Variants in GLDC observed in about 807,000 individuals in gnomAD.
GLDC encodes the protein glycine dehydrogenase (decarboxylating), mitochondrial.
Under a neutral mutation model 121.3 loss-of-function variants are expected in GLDC, and 104 were observed. The observed-to-expected ratio is 0.86, with a 90% CI of 0.73 to 1.01. The LOEUF is 1.01. GLDC is among the 50% of genes least tolerant of loss of function. The pLI is 0.00. For missense variants in GLDC, 1,429 were observed against 1,306.6 expected (o/e 1.09, Z -1.44); for synonymous variants, 546 against 480.6 (o/e 1.14, Z -1.78).
In GLDC at chr9:6,534,741, C is replaced by T. The variant is rs1394323810; in HGVS notation, c.2886G>A (p.Arg962=). 3.7e-6 allele frequency: 6 copies of T among 1,607,452 alleles called. No individual in the cohort carries two copies. The highest frequency in any genetic ancestry group is 2.6e-6 in the Non-Finnish European group (3 of 1,174,016). Residue 962 remains arginine (R), a synonymous_variant, in exon 24 of 25, where the codon CGG becomes CGA. Coordinates refer to ENST00000321612, the MANE Select transcript of GLDC (RefSeq NM_000170.3). Reference sequence around the variant, plus strand: ...ATGCTGCCACCTCTCTGGAATAAGGCCGGTCCCAGTGGGAAGATGTAACGC... The same window carrying T: ...ATGCTGCCACCTCTCTGGAATAAGGTCGGTCCCAGTGGGAAGATGTAACGC... The part of the protein sequence containing the change: ...LTCVTSSHWD[R]PYSREVAAFP...
chr9:6,563,971 C>T (rs60256554), intron 16 of GLDC, among the ~76,000 whole-genome samples: 2,646 of 151,912 alleles, frequency 0.017, 69 homozygotes, highest in African/African-American at 0.06. Context: ...AAGGGCCAGG[C>T]GCAGTGGCTC....
At chr9:6,630,242 C>A (rs966058458) in intron 2 of GLDC, among the ~76,000 whole-genome samples, 2 of 151,840 alleles carry the variant, frequency 1.3e-5, no homozygotes, top group Admixed American at 1.3e-4. Flanking sequence ...GCACCCCAGC[C>A]TGGGTGACAA....
intron 8 of GLDC, among the ~76,000 whole-genome samples, chr9:6,598,921 C>T (rs1317274787): frequency 6.6e-6 from 1 of 152,188 alleles, no homozygotes; most frequent in Non-Finnish European, 1.5e-5. Flanking sequence ...TGGCTCATGC[C>T]TGTAATCCCA....
chr9:6,639,668 A>AAAAAT, intron 2 of GLDC: 4 of 248,644 alleles, frequency 1.6e-5, no homozygotes, highest in Admixed American at 6.6e-5. Context: ...ATAAAAAAAA[A>AAAAAT]GTATATATAT....
intron 22 of GLDC, among the ~76,000 whole-genome samples, chr9:6,538,839 G>A (rs1817193212): frequency 6.6e-6 from 1 of 152,222 alleles, no homozygotes; most frequent in African/African-American, 2.4e-5. Context: ...GCTGTCAGGG[G>A]AAAGGAGTTC....
At position 6,542,802 on chromosome 9, in the gene GLDC, T is replaced by G. The variant is rs1176716502; in HGVS notation, c.2570-2656A>C. Among the ~76,000 whole-genome samples the G allele has an allele frequency of 5.5e-5, 8 of 146,358 alleles. No homozygotes were observed. In the South Asian group the frequency reaches 1.1e-3, roughly 20 times the overall value. ...GTGTAAGGCTGAGGTGGGAGAATCATTTGAGCCCAGGAGGTCAAGGCTGCA... is the reference window on the plus strand; with the variant it reads ...GTGTAAGGCTGAGGTGGGAGAATCAGTTGAGCCCAGGAGGTCAAGGCTGCA... On this transcript the variant is annotated intron_variant, in intron 21 of 24. Coordinates refer to ENST00000321612, the MANE Select transcript of GLDC (RefSeq NM_000170.3).
At chr9:6,639,232 G>C (rs1220294499) in intron 2 of GLDC, 2 of 911,750 alleles carry the variant, frequency 2.2e-6, no homozygotes, top group Non-Finnish European at 3.6e-6. Context: ...GTGTTGAAAG[G>C]TGTCCACAGC....
intron 2 of GLDC, among the ~76,000 whole-genome samples, chr9:6,634,628 A>C (rs1249046449): frequency 6.6e-6 from 1 of 152,108 alleles, no homozygotes; most frequent in Non-Finnish European, 1.5e-5. Context: ...CGGAAAACTA[A>C]TGCAGACTCA....
intron 18 of GLDC, 89 bp from the exon 19 acceptor site, chr9:6,554,870 T>C (rs1817587918): frequency 2.2e-6 from 2 of 922,994 alleles, no homozygotes; most frequent in South Asian, 1.4e-5. Flanking sequence ...TGCTGCCTTC[T>C]CCCCTCAGAG....
At chr9:6,536,041 G>A in intron 23 of GLDC, 23 bp downstream of exon 23, 1 of 1,600,240 alleles carries the variant, frequency 6.2e-7, no homozygotes, top group Non-Finnish European at 8.6e-7. Flanking sequence ...AACATTTCAA[G>A]CAATGTTCCA....
chr9:6,622,179 C>CACACAG (rs1347721250), intron 2 of GLDC, among the ~76,000 whole-genome samples: 2 of 151,596 alleles, frequency 1.3e-5, no homozygotes, highest in African/African-American at 4.9e-5. Context: ...CACACACACA[C>CACACAG]ACACACACAC....
At chr9:6,533,858 C>CAA (rs140518818) in intron 24 of GLDC, among the ~76,000 whole-genome samples, 27 of 125,302 alleles carry the variant, frequency 2.2e-4, no homozygotes, top group African/African-American at 2.7e-4. Context: ...AACTCTATCT[C>CAA]AAAAAAAAAA....
chr9:6,552,935 C>CCA lies in GLDC; in HGVS notation c.2457+432_2457+433insTG, dbSNP rs565837664. 2.0e-5 allele frequency among the ~76,000 whole-genome samples: 3 copies of CCA among 151,952 alleles called. No homozygotes were observed. The South Asian group carries it at 6.3e-4, about 32-fold the overall frequency. ...TTTTTCATCTTCTCCTCTGGCCCCC[C>CCA]CCAAGAAATATATAGCAAAGTGAGA... is the stretch of plus-strand genomic sequence containing the variant. On this transcript the variant is annotated intron_variant, in intron 20 of 24. Transcript: ENST00000321612.
intron 2 of GLDC, among the ~76,000 whole-genome samples, chr9:6,622,363 T>A (rs1819120273): frequency 6.8e-6 from 1 of 148,006 alleles, no homozygotes; most frequent in African/African-American, 2.5e-5. Context: ...TGCCTCAGCC[T>A]GACGAGTGCC....
chr9:6,641,641 G>T (rs1314470883), intron 2 of GLDC, among the ~76,000 whole-genome samples: 3 of 152,136 alleles, frequency 2.0e-5, no homozygotes, highest in Admixed American at 1.3e-4. Context: ...AGTATTAATG[G>T]TATTTTCCTC....
intron 11 of GLDC, among the ~76,000 whole-genome samples, chr9:6,590,422 C>G (rs748477298): frequency 3.3e-5 from 5 of 152,160 alleles, no homozygotes; most frequent in Non-Finnish European, 5.9e-5. Context: ...TGAAGATGGG[C>G]TTGGCGCTGT....
intron 15 of GLDC, among the ~76,000 whole-genome samples, chr9:6,576,678 G>A (rs1818071896): frequency 6.6e-6 from 1 of 152,238 alleles, no homozygotes; most frequent in Admixed American, 6.5e-5. Flanking sequence ...CGTTGGCCAG[G>A]CTGGTCTCAA....
chr9:6,601,361 G>A lies in GLDC; in HGVS notation c.1155+748C>T, dbSNP rs148759387. 4.6e-3 allele frequency among the ~76,000 whole-genome samples: 693 copies of A among 152,134 alleles called. 9 individuals carry two copies. Among genetic ancestry groups the A allele is most frequent in the African/African-American group, 0.016 (669 of 41,518 alleles). On this transcript the variant is annotated intron_variant, in intron 8 of 24. Coordinates refer to ENST00000321612, the MANE Select transcript of GLDC (RefSeq NM_000170.3). ...CCACCCATAACAAACCTGGCCCAAC[G>A]CCAAGAATACTAGAGACCCTGATAT...
chr9:6,547,100 C>T (rs79274967), intron 21 of GLDC, among the ~76,000 whole-genome samples: 2 of 152,112 alleles, frequency 1.3e-5, no homozygotes, highest in Non-Finnish European at 2.9e-5. Context: ...CCCGCCTCAG[C>T]CTTCCAAAGT....
Sources: gnomAD v4.1 joint callset for allele counts (sites outside exome capture counted in the v4.1 genomes callset) on GRCh38, gnomAD v4.1.1 for gene constraint, MANE v1.5 for transcripts, NCBI Gene and HGNC (gene_info 2026-07-23, HGNC 2026-07-21) for gene names.